Variants in BIRC6 observed in about 807,000 individuals in gnomAD.
BIRC6 encodes the protein dual E2 ubiquitin-conjugating enzyme/E3 ubiquitin-protein ligase BIRC6.
Under a neutral mutation model 503.3 loss-of-function variants are expected in BIRC6, and 98 were observed. That is an observed-to-expected ratio of 0.19 (90% CI 0.17 to 0.23). The LOEUF (loss-of-function observed/expected upper bound fraction) is 0.23, where lower values mean the gene tolerates loss of function less well. BIRC6 is among the 10% of genes least tolerant of loss of function. The pLI is 1.00. For synonymous variants in BIRC6, 2,240 were observed against 2,078.7 expected, an observed-to-expected ratio of 1.08 and a Z score of -2.11; for missense variants, 5,360 against 5,806.0, an observed-to-expected ratio of 0.92 and a Z score of 2.50.
chr2:32,525,775 G>A (rs763362668), intron 59 of BIRC6, 147 bp downstream of exon 59: 4 of 723,688 alleles, frequency 5.5e-6, no homozygotes, highest in South Asian at 2.0e-5. Flanking sequence ...CAGTTCCTCC[G>A]AAGAGAAGTG....
intron 66 of BIRC6, among the ~76,000 whole-genome samples, chr2:32,584,724 C>T (rs2060913527): frequency 6.6e-6 from 1 of 151,898 alleles, no homozygotes; most frequent in African/African-American, 2.4e-5. Context: ...TTAAGTAGTT[C>T]TTTATTTTAT....
At chr2:32,418,662 A>G (rs373940271) in intron 10 of BIRC6, among the ~76,000 whole-genome samples, 2 of 152,204 alleles carry the variant, frequency 1.3e-5, no homozygotes, top group Admixed American at 6.5e-5. Flanking sequence ...AGAAACTACT[A>G]TTTTCCAGAA....
At chr2:32,384,968 C>T (rs1254888442) in intron 3 of BIRC6, among the ~76,000 whole-genome samples, 2 of 152,210 alleles carry the variant, frequency 1.3e-5, no homozygotes, top group Non-Finnish European at 2.9e-5. Flanking sequence ...TGCTAGTCTT[C>T]TAGTTCTGTT....
At chr2:32,472,613 T>A (rs1217710836) in intron 32 of BIRC6, among the ~76,000 whole-genome samples, 1 of 152,134 alleles carries the variant, frequency 6.6e-6, no homozygotes, top group East Asian at 1.9e-4. Flanking sequence ...TGGGCCCAAA[T>A]TGAATGAAAC....
rs114974495 is a variant in BIRC6, at chr2:32,489,788, A to G, written c.8096-253A>G. ...AAATGCCTATGGTTTGGAAAGTACAACATACTGAGAGTGATAACATGTCAT... is the reference window on the plus strand; with the variant it reads ...AAATGCCTATGGTTTGGAAAGTACAGCATACTGAGAGTGATAACATGTCAT... On this transcript the variant is annotated intron_variant, in intron 42 of 73. Coordinates refer to ENST00000421745, the MANE Select transcript of BIRC6 (RefSeq NM_016252.4). 1.9e-3 allele frequency among the ~76,000 whole-genome samples: 294 copies of G among 152,276 alleles called. 1 individual carries two copies. The highest frequency in any genetic ancestry group is 6.8e-3 in the African/African-American group (281 of 41,572).
At chr2:32,538,613 G>C (rs1214951726) in intron 61 of BIRC6, among the ~76,000 whole-genome samples, 3 of 152,206 alleles carry the variant, frequency 2.0e-5, no homozygotes, top group Non-Finnish European at 2.9e-5. Flanking sequence ...CAAATCAAGA[G>C]TTGATAGAAG....
At chr2:32,490,187 A>G (rs770914869) in intron 43 of BIRC6, 36 bp downstream of exon 43, 30 of 1,472,478 alleles carry the variant, frequency 2.0e-5, no homozygotes, top group Admixed American at 1.7e-4. Context: ...AATCTCTGAC[A>G]TATACTTTAG....
intron 5 of BIRC6, among the ~76,000 whole-genome samples, chr2:32,394,872 C>T (rs903733145): frequency 2.0e-5 from 3 of 152,174 alleles, no homozygotes; most frequent in East Asian, 3.9e-4. Flanking sequence ...CAACAAGAGG[C>T]TGGGTGCAGG....
At chr2:32,542,480 AT>A (rs143672952) in intron 61 of BIRC6, among the ~76,000 whole-genome samples, 22 of 152,342 alleles carry the variant, frequency 1.4e-4, no homozygotes, top group Non-Finnish European at 2.6e-4. Flanking sequence ...TAAAGTTAGA[AT>A]CTATACTGAT....
chr2:32,473,078 A>C (rs1364284418), intron 32 of BIRC6, 34 bp from the exon 33 acceptor site: 2 of 1,515,290 alleles, frequency 1.3e-6, no homozygotes, highest in Non-Finnish European at 1.8e-6. Flanking sequence ...CACATTTAAC[A>C]GAATTATTAA....
intron 65 of BIRC6, chr2:32,563,204 T>C (rs2059315693): frequency 6.6e-6 from 1 of 152,252 alleles, no homozygotes; most frequent in African/African-American, 2.4e-5. Flanking sequence ...GGTGAAATAC[T>C]ATGTGCACTA....
intron 33 of BIRC6, among the ~76,000 whole-genome samples, chr2:32,473,474 A>G (rs907073523): frequency 2.0e-5 from 3 of 152,012 alleles, no homozygotes; most frequent in Non-Finnish European, 2.9e-5. Flanking sequence ...CTCTATTACT[A>G]CTATTCTAAA....
chr2:32,436,488 CA>C (rs2044717624), intron 15 of BIRC6, among the ~76,000 whole-genome samples: 2 of 152,104 alleles, frequency 1.3e-5, no homozygotes. Context: ...AATGTTCTGC[CA>C]TTTTTACCCT....
In BIRC6 at chr2:32,549,151, C is replaced by G. The variant is rs1422636327; in HGVS notation, c.12976-162C>G. 2.3e-5 allele frequency: 11 copies of G among 481,274 alleles called. No homozygotes were observed. The East Asian group carries it at 3.1e-4, about 14-fold the overall frequency. 29.8% of individuals were successfully genotyped at this position (481,274 alleles called of 1,614,324 possible). On this transcript the variant is annotated intron_variant, in intron 64 of 73. Coordinates refer to ENST00000421745, the MANE Select transcript of BIRC6 (RefSeq NM_016252.4). ...ACACTCTCAGACAAAACAGATCCTT[C>G]TCTTTTGAAAATTTAAACAAATAAT...
rs754210416 is a variant in BIRC6 at position 32,380,218 on chromosome 2, G to A, written c.573G>A (p.Leu191=). Reference sequence around the variant, plus strand: ...TTTCTAGTACAGAGGGTTATGATTTGTTCATCACACAGCTCAAAGATGGTT... The same window carrying A: ...TTTCTAGTACAGAGGGTTATGATTTATTCATCACACAGCTCAAAGATGGTT... ...VDISSTEGYD[L]FITQLKDGLK... is the part of the protein sequence containing the mutation. Residue 191 remains leucine, a synonymous_variant, in exon 3 of 74, where the codon TTG becomes TTA. Transcript: ENST00000421745. The A allele has an allele frequency of 1.9e-5, 30 of 1,609,326 alleles. 1 individual carries two copies. The highest frequency in any genetic ancestry group is 2.4e-5 in the Non-Finnish European group (28 of 1,178,234).
chr2:32,487,563 T>A, intron 40 of BIRC6, 84 bp from the exon 41 acceptor site: 1 of 1,216,850 alleles, frequency 8.2e-7, no homozygotes, highest in East Asian at 2.4e-5. Context: ...TAAAAACAAT[T>A]TAACCTATTT....
Position 32,433,157 on chromosome 2 carries a change from G to GT in BIRC6, c.3249-481dup, listed in dbSNP as rs536127592. Reference sequence around the variant, plus strand: ...TCTGTTTACTGAGATTTGGAAGTGGGTTTTTTCATAATGAGTTTGAGATGT... The same window carrying GT: ...TCTGTTTACTGAGATTTGGAAGTGGGTTTTTTTCATAATGAGTTTGAGATGT... On this transcript the variant is annotated intron_variant, in intron 12 of 73. Coordinates refer to ENST00000421745, the MANE Select transcript of BIRC6 (RefSeq NM_016252.4). Among the ~76,000 whole-genome samples the GT allele has an allele frequency of 3.1e-3, 467 of 152,222 alleles. 1 individual carries two copies. Among genetic ancestry groups the GT allele is most frequent in the African/African-American group, 0.011 (454 of 41,542 alleles).
chr2:32,505,700 T>C (rs763179199), intron 50 of BIRC6, among the ~76,000 whole-genome samples: 7 of 152,244 alleles, frequency 4.6e-5, no homozygotes, highest in Non-Finnish European at 8.8e-5. Context: ...AATATGTCAG[T>C]ATCCTTGTAA....
chr2:32,439,612 C>T lies in BIRC6; in HGVS notation c.3736C>T (p.Leu1246Phe). The change falls in exon 16 of 74, where the codon CTT becomes TTT. Residue 1246 changes from leucine to phenylalanine, a missense_variant. Around this residue, in one of 16 missense-constraint regions of BIRC6, gnomAD observed 2,299 missense variants for 2,267.2 expected, o/e 1.01. Coordinates refer to ENST00000421745, the MANE Select transcript of BIRC6 (RefSeq NM_016252.4). ...TGGTGGTATGCGTCCTGTAGTAAGG[C>T]TTCCATCCCTAAAACACCAGAGTAA... Reference protein sequence around the residue: ...CNGGMRPVVRLPSLKHQSNKG... With the variant: ...CNGGMRPVVRFPSLKHQSNKG... 6.2e-7 allele frequency: 1 copy of T among 1,613,910 alleles called. No individual in the cohort carries two copies.
Sources: gnomAD v4.1 joint callset for allele counts (sites outside exome capture counted in the v4.1 genomes callset) on GRCh38, gnomAD v4.1.1 for gene constraint, gnomAD v4.1.1 regional missense constraint, MANE v1.5 for transcripts, NCBI Gene and HGNC (gene_info 2026-07-23, HGNC 2026-07-21) for gene names.